CALB2: variants seen among roughly 807,000 people sequenced by gnomAD.
CALB2 encodes the protein calretinin.
CALB2 carries 34 observed loss-of-function variants against 45.9 expected under a neutral mutation model. That is an observed-to-expected ratio of 0.74 (90% CI 0.56 to 0.99). The LOEUF (loss-of-function observed/expected upper bound fraction) is 0.99. Among genes scored for constraint, CALB2 ranks in the 50% least tolerant of loss-of-function variants. The pLI is 0.00. For synonymous variants in CALB2, 142 were observed against 129.6 expected (o/e 1.10, Z -0.65); for missense variants, 344 against 339.3 (o/e 1.01, Z -0.11).
At chr16:71,361,572 C>T (rs943911032) in intron 1 of CALB2, among the ~76,000 whole-genome samples, 11 of 152,144 alleles carry the variant, frequency 7.2e-5, no homozygotes, top group Admixed American at 2.0e-4. Context: ...GGAGTGGGCT[C>T]GCTGGAGCCC....
intron 1 of CALB2, among the ~76,000 whole-genome samples, chr16:71,360,798 T>C (rs2042230521): frequency 6.6e-6 from 1 of 152,172 alleles, no homozygotes; most frequent in Admixed American, 6.5e-5. Context: ...CTTATACAGA[T>C]GAGGAAACAG....
chr16:71,366,167 C>T (rs1332881147), intron 1 of CALB2, among the ~76,000 whole-genome samples: 2 of 149,950 alleles, frequency 1.3e-5, no homozygotes, highest in African/African-American at 2.5e-5. Flanking sequence ...GATGGGACTA[C>T]GTGTGCCCGC....
chr16:71,376,736 C>A (rs1192714299), intron 3 of CALB2, among the ~76,000 whole-genome samples: 2 of 152,144 alleles, frequency 1.3e-5, no homozygotes, highest in Non-Finnish European at 2.9e-5. Flanking sequence ...CATCCACATT[C>A]AACCACACAC....
intron 1 of CALB2, among the ~76,000 whole-genome samples, chr16:71,365,539 T>C (rs921398177): frequency 3.8e-4 from 58 of 152,072 alleles, no homozygotes; most frequent in Non-Finnish European, 8.1e-4. Flanking sequence ...GCGTCTCAGA[T>C]TTTAGCACAC....
intron 9 of CALB2, 124 bp from the exon 10 acceptor site, chr16:71,385,453 G>A: frequency 8.9e-6 from 6 of 671,264 alleles, no homozygotes; most frequent in Non-Finnish European, 7.4e-6. Context: ...GTCATTACAC[G>A]ATCTGAACAC....
intron 1 of CALB2, among the ~76,000 whole-genome samples, chr16:71,360,741 A>G (rs1270333572): frequency 6.6e-6 from 1 of 152,144 alleles, no homozygotes; most frequent in East Asian, 1.9e-4. Context: ...CTTAAGCACA[A>G]TTGCACCTTC....
rs527684387 is a variant in CALB2 at position 71,375,573 on chromosome 16, T to C, written c.261+739T>C. Among the ~76,000 whole-genome samples the C allele has an allele frequency of 4.6e-5, 7 of 152,292 alleles. No individual in the cohort carries two copies. The East Asian group carries it at 1.4e-3, about 29-fold the overall frequency. On this transcript the variant is annotated intron_variant, in intron 3 of 10. Transcript: ENST00000302628. Reference sequence around the variant, plus strand: ...ATAAATAAATAAATAAGAATGATGATGGTGGCACAGGCATTAGGGCACAGC... The same window carrying C: ...ATAAATAAATAAATAAGAATGATGACGGTGGCACAGGCATTAGGGCACAGC...
chr16:71,389,697 G>A, intron 10 of CALB2, 52 bp from the exon 11 acceptor site: 1 of 1,311,266 alleles, frequency 7.6e-7, no homozygotes, highest in Non-Finnish European at 1.1e-6. Context: ...TGGGCTCCTT[G>A]CGTCGGGACC....
At chr16:71,366,324 C>CTTT (rs1242997452) in intron 1 of CALB2, among the ~76,000 whole-genome samples, 18 of 46,158 alleles carry the variant, frequency 3.9e-4, no homozygotes, top group Admixed American at 1.8e-3. Flanking sequence ...AGTGCCTGGC[C>CTTT]TTTTTTTTTT....
intron 4 of CALB2, among the ~76,000 whole-genome samples, 187 bp from the exon 5 acceptor site, chr16:71,382,532 G>A (rs900497483): frequency 2.6e-5 from 4 of 152,218 alleles, no homozygotes; most frequent in Non-Finnish European, 5.9e-5. Flanking sequence ...GATCACTGTC[G>A]AGATACTTCC....
intron 10 of CALB2, among the ~76,000 whole-genome samples, chr16:71,387,543 C>G (rs974592030): frequency 3.3e-5 from 5 of 151,846 alleles, no homozygotes; most frequent in Admixed American, 3.3e-4. Context: ...GGTTTCTGAG[C>G]AGATTAATGT....
chr16:71,385,945 T>C (rs535917868), intron 10 of CALB2, among the ~76,000 whole-genome samples: 41 of 152,314 alleles, frequency 2.7e-4, no homozygotes, highest in Non-Finnish European at 5.1e-4. Flanking sequence ...ATATTGCACA[T>C]GCGTGGCCAC....
chr16:71,376,913 T>G (rs553320425), intron 3 of CALB2, among the ~76,000 whole-genome samples: 8 of 152,258 alleles, frequency 5.3e-5, no homozygotes, highest in African/African-American at 1.7e-4. Flanking sequence ...TGCAAGGAAA[T>G]GTTCCCAGAA....
chr16:71,383,859 G>A (rs375414967), intron 6 of CALB2, 111 bp from the exon 7 acceptor site: 2 of 1,264,024 alleles, frequency 1.6e-6, no homozygotes, highest in Non-Finnish European at 2.3e-6. Context: ...GACCTCAGAG[G>A]AAGCATGAGC....
intron 4 of CALB2, among the ~76,000 whole-genome samples, chr16:71,378,067 C>T (rs545322618): frequency 6.6e-6 from 1 of 151,674 alleles, no homozygotes; most frequent in African/African-American, 2.4e-5. Context: ...TACCAAAATA[C>T]AAAAAAGTTA....
intron 1 of CALB2, among the ~76,000 whole-genome samples, chr16:71,366,020 C>CTTTTTTTTTTTTTTTTTTTTTTT (rs2042281945): frequency 3.5e-5 from 1 of 28,874 alleles, no homozygotes; most frequent in African/African-American, 1.4e-4. Context: ...TTCCCTCTCT[C>CTTTTTTTTTTTTTTTTTTTTTTT]TCTCTTTTTT....
At position 71,384,339 on chromosome 16, in the gene CALB2, A is replaced by T; in HGVS notation, c.534A>T (p.Arg178=). 14 of 1,611,804 alleles carry T rather than the reference A, an allele frequency of 8.7e-6. No individual in the cohort carries two copies. The highest frequency in any genetic ancestry group is 1.2e-5 in the Non-Finnish European group (14 of 1,179,186). Residue 178 remains arginine, a splice_region_variant and synonymous_variant, in exon 8 of 11, where the codon CGA becomes CGT. Coordinates refer to ENST00000302628, the MANE Select transcript of CALB2 (RefSeq NM_001740.5). ...CTCTGCTCTAACATTTTCTCCCCAG[A>T]CTCCTGCCTGTCCAGGAAAACTTCC... The part of the protein sequence containing the change: ...DGKLGLSEMS[R]LLPVQENFLL...
chr16:71,389,871 G>T lies in CALB2; in HGVS notation c.*6G>T, dbSNP rs1463483745. ...GCAGCGAGCCCCCCATGTAAAGTGG[G>T]GACGGGGGCTGCTTCTCCACCTCCC... On this transcript the variant is annotated 3_prime_UTR_variant, in exon 11 of 11. Transcript: ENST00000302628. The T allele has an allele frequency of 6.3e-7, 1 of 1,597,036 alleles. No individual in the cohort carries two copies. Among genetic ancestry groups the T allele is most frequent in the African/African-American group, 1.3e-5 (1 of 74,586 alleles).
intron 4 of CALB2, 24 bp from the exon 5 acceptor site, chr16:71,382,695 A>G: frequency 6.2e-7 from 1 of 1,608,644 alleles, no homozygotes; most frequent in Non-Finnish European, 8.5e-7. Flanking sequence ...CTTTGCAAAG[A>G]GGTTGACATT....
Sources: allele counts gnomAD v4.1 joint callset (sites outside exome capture counted in the v4.1 genomes callset), GRCh38; gene constraint gnomAD v4.1.1; transcripts MANE v1.5; gene names NCBI Gene and HGNC (gene_info 2026-07-23, HGNC 2026-07-21).